TBX20: variants seen among roughly 807,000 people sequenced by gnomAD.
TBX20 encodes T-box transcription factor 20, also known as T-box transcription factor TBX20.
Under a neutral mutation model 42.9 loss-of-function variants are expected in TBX20, and 8 were observed. The observed-to-expected ratio is 0.19, with a 90% CI of 0.11 to 0.34. The LOEUF (loss-of-function observed/expected upper bound fraction) is 0.34, where lower values mean the gene tolerates loss of function less well. Ranked by LOEUF, TBX20 falls within the 10% of genes least tolerant of loss-of-function variation. The pLI, the probability that TBX20 is intolerant of heterozygous loss-of-function variation, is 1.00. For missense variants in TBX20, 411 were observed against 566.0 expected, an observed-to-expected ratio of 0.73 and a Z score of 2.78; for synonymous variants, 198 against 222.8, an observed-to-expected ratio of 0.89 and a Z score of 0.99.
intron 4 of TBX20, among the ~76,000 whole-genome samples, chr7:35,241,928 A>C (rs919735034): frequency 6.6e-6 from 1 of 152,168 alleles, no homozygotes; most frequent in African/African-American, 2.4e-5. Flanking sequence ...CCCTCCTGTC[A>C]CCCAGACAGC....
chr7:35,204,657 C>T (rs192747634), intron 6 of TBX20, 75 bp from the exon 7 acceptor site: 14 of 1,120,048 alleles, frequency 1.2e-5, no homozygotes, highest in Middle Eastern at 2.0e-4. Context: ...TTAGAGGTAA[C>T]TCACTAATCA....
chr7:35,202,612 G>A lies in TBX20; in HGVS notation c.1162C>T (p.Pro388Ser), dbSNP rs1299828686. Residue 388 changes from proline (P) to serine (S), a missense_variant, in exon 8 of 8, where the codon CCA becomes TCA. By Grantham distance (74) the Pro-to-Ser change is moderately conservative. Around this residue, in one of 5 missense-constraint regions of TBX20, gnomAD observed 162 missense variants for 205.4 expected, o/e 0.79. Transcript: ENST00000408931. ...PIPHPIQGSL[P>S]PYSRLGMPLT... ...GGCATTCCCAGTCGGCTATATGGTG[G>A]CAGAGAACCCTGGATGGGGTGAGGA... The A allele has an allele frequency of 6.2e-7, 1 of 1,613,988 alleles. No individual in the cohort carries two copies.
rs183674919 is a variant in TBX20 at position 35,224,582 on chromosome 7, G to T, written c.890+6922C>A. Among the ~76,000 whole-genome samples the T allele has an allele frequency of 5.1e-3, 770 of 152,198 alleles. 14 individuals carry two copies. The highest frequency in any genetic ancestry group is 0.047 in the Admixed American group (713 of 15,282). ...AGCTACTAGGGAGGCTGAGGCAGGAGAATAGCTTGAACCTGGGAGGTGGAG... is the reference window on the plus strand; with the variant it reads ...AGCTACTAGGGAGGCTGAGGCAGGATAATAGCTTGAACCTGGGAGGTGGAG... On this transcript the variant is annotated intron_variant, in intron 6 of 7. Coordinates refer to ENST00000408931, the MANE Select transcript of TBX20 (RefSeq NM_001077653.2).
intron 3 of TBX20, among the ~76,000 whole-genome samples, chr7:35,247,630 G>C (rs1440323109): frequency 6.6e-6 from 1 of 152,070 alleles, no homozygotes; most frequent in Non-Finnish European, 1.5e-5. Flanking sequence ...TATGACTCCA[G>C]ACTAGACACA....
At position 35,250,138 on chromosome 7, in the gene TBX20, C is replaced by T. The variant is rs1223385740; in HGVS notation, c.193G>A (p.Gly65Arg). The T allele has an allele frequency of 3.1e-6, 5 of 1,614,028 alleles. No individual in the cohort carries two copies. The South Asian group carries it at 5.5e-5, about 18-fold the overall frequency. ...LGELTSLDAH[G>R]EFGGGSGSSP... ...CTGCCACTGCCTCCACCAAACTCCCCATGAGCATCCAGGCTGGTCAGCTCA... is the reference window on the plus strand; with the variant it reads ...CTGCCACTGCCTCCACCAAACTCCCTATGAGCATCCAGGCTGGTCAGCTCA... The change falls in exon 2 of 8, where the codon GGG (glycine) becomes AGG (arginine). Residue 65 changes from glycine to arginine, a missense_variant. Coordinates refer to ENST00000408931, the MANE Select transcript of TBX20 (RefSeq NM_001077653.2).
At chr7:35,232,464 C>T (rs1432252072) in intron 5 of TBX20, among the ~76,000 whole-genome samples, 4 of 152,176 alleles carry the variant, frequency 2.6e-5, no homozygotes, top group Non-Finnish European at 5.9e-5. Flanking sequence ...TGAAAGGAAG[C>T]TGAGAGACCA....
chr7:35,228,408 C>T (rs1357078107), intron 6 of TBX20, among the ~76,000 whole-genome samples: 1 of 151,958 alleles, frequency 6.6e-6, no homozygotes, highest in Non-Finnish European at 1.5e-5. Context: ...AAGAAAGTAT[C>T]TGAAAGAATA....
chr7:35,250,070 G>A lies in TBX20; in HGVS notation c.261C>T (p.Pro87=), dbSNP rs1164694200. 7 of 1,613,824 alleles carry A rather than the reference G, an allele frequency of 4.3e-6. No homozygotes were observed. In the African/African-American group the frequency reaches 9.3e-5, roughly 22 times the overall value. ...SSSLCTEPLI[P]TTPIIPSEEM... ...CCTCACTGGGGATGATGGGGGTGGTGGGGATCAGTGGCTCAGTGCACAGAG... is the reference window on the plus strand; with the variant it reads ...CCTCACTGGGGATGATGGGGGTGGTAGGGATCAGTGGCTCAGTGCACAGAG... The change falls in exon 2 of 8, where the codon CCC becomes CCT. Residue 87 remains proline, a synonymous_variant. Transcript: ENST00000408931.
At chr7:35,215,405 G>A (rs1311198405) in intron 6 of TBX20, among the ~76,000 whole-genome samples, 26 of 152,134 alleles carry the variant, frequency 1.7e-4, no homozygotes, top group Non-Finnish European at 2.6e-4. Context: ...CCAGCAGAAC[G>A]AGAAGTGCAA....
At chr7:35,235,443 C>T (rs1011658324) in intron 5 of TBX20, among the ~76,000 whole-genome samples, 8 of 152,002 alleles carry the variant, frequency 5.3e-5, no homozygotes. Flanking sequence ...AAAAGTAATC[C>T]TAAAAGAAGT....
chr7:35,208,155 T>G (rs184966414), intron 6 of TBX20, among the ~76,000 whole-genome samples: 1 of 152,348 alleles, frequency 6.6e-6, no homozygotes, highest in Non-Finnish European at 1.5e-5. Context: ...TGCATATCCT[T>G]TCCAGATTTT....
At chr7:35,230,585 G>C (rs1789851203) in intron 6 of TBX20, among the ~76,000 whole-genome samples, 1 of 152,078 alleles carries the variant, frequency 6.6e-6, no homozygotes, top group South Asian at 2.1e-4. Context: ...GTTAAAATAT[G>C]TAATTATCTT....
At position 35,249,582 on chromosome 7, in the gene TBX20, C is replaced by A. The variant is rs1790264159; in HGVS notation, c.380+369G>T. On this transcript the variant is annotated intron_variant, in intron 2 of 7. Coordinates refer to ENST00000408931, the MANE Select transcript of TBX20 (RefSeq NM_001077653.2). The surrounding 1 kb of genome is among the most constrained non-coding windows in gnomAD (Gnocchi z 4.3). ...GAAGCTACTCACCTACCTAGAAGCA[C>A]CCAGCAGCTCACCAGGCACCCAGGC... Among the ~76,000 whole-genome samples, 1 of 152,232 alleles carries A rather than the reference C, an allele frequency of 6.6e-6. No individual in the cohort carries two copies. The highest frequency in any genetic ancestry group is 1.5e-5 in the Non-Finnish European group (1 of 68,046).
intron 7 of TBX20, among the ~76,000 whole-genome samples, chr7:35,203,815 T>C (rs1161626980): frequency 1.3e-5 from 2 of 152,224 alleles, no homozygotes; most frequent in Non-Finnish European, 2.9e-5. Flanking sequence ...TATAATTTCA[T>C]ATTAAGGACA....
intron 6 of TBX20, among the ~76,000 whole-genome samples, chr7:35,213,877 C>G (rs867666141): frequency 6.7e-5 from 4 of 59,772 alleles, no homozygotes; most frequent in Non-Finnish European, 9.0e-5. Flanking sequence ...GCAGAGATAG[C>G]AAAAAAAAAA....
intron 6 of TBX20, among the ~76,000 whole-genome samples, chr7:35,207,387 T>C (rs1221902982): frequency 6.6e-6 from 1 of 152,220 alleles, no homozygotes; most frequent in Non-Finnish European, 1.5e-5. Flanking sequence ...TGGGCACTGG[T>C]GTTTATAGAA....
intron 7 of TBX20, among the ~76,000 whole-genome samples, chr7:35,203,715 C>T (rs1328033356): frequency 6.6e-6 from 1 of 152,156 alleles, no homozygotes; most frequent in Non-Finnish European, 1.5e-5. Context: ...GAGTTGGTTC[C>T]CCAACCACTG....
intron 6 of TBX20, among the ~76,000 whole-genome samples, chr7:35,218,723 T>C (rs2128711758): frequency 6.6e-6 from 1 of 152,326 alleles, no homozygotes; most frequent in South Asian, 2.1e-4. Context: ...TTCTGTCTCT[T>C]TGTTCTGACA....
At chr7:35,212,771 T>C (rs1789519722) in intron 6 of TBX20, among the ~76,000 whole-genome samples, 1 of 152,204 alleles carries the variant, frequency 6.6e-6, no homozygotes. Context: ...CAAGTTACTG[T>C]TTGTTTCCCC....
Sources: gnomAD v4.1 joint callset for allele counts (sites outside exome capture counted in the v4.1 genomes callset) on GRCh38, gnomAD v4.1.1 for gene constraint, gnomAD v4.1.1 regional missense constraint, Gnocchi (gnomAD v3.1) non-coding constraint, MANE v1.5 for transcripts, NCBI Gene and HGNC (gene_info 2026-07-23, HGNC 2026-07-21) for gene names.